Variants in MSRA observed in about 807,000 individuals in gnomAD.
The protein encoded by MSRA is methionine sulfoxide reductase A.
Under a neutral mutation model 31.3 loss-of-function variants are expected in MSRA, and 54 were observed. The ratio of observed to expected loss-of-function variants is 1.73; its 90% CI spans 1.39 to 2.17. The LOEUF (loss-of-function observed/expected upper bound fraction) is 2.17. Ranked by LOEUF, MSRA falls within the 30% of genes most tolerant of loss-of-function variation. The pLI is 0.00. For synonymous variants in MSRA, 169 were observed against 116.5 expected, an observed-to-expected ratio of 1.45 and a Z score of -2.90; for missense variants, 507 against 300.9, an observed-to-expected ratio of 1.69 and a Z score of -5.07.
intron 1 of MSRA, among the ~76,000 whole-genome samples, chr8:10,163,822 G>C (rs977645828): frequency 6.6e-6 from 1 of 152,254 alleles, no homozygotes; most frequent in Non-Finnish European, 1.5e-5. Context: ...CCGCATGCTG[G>C]TGTGGCAGAC....
intron 3 of MSRA, among the ~76,000 whole-genome samples, chr8:10,291,851 C>T (rs1225848081): frequency 6.6e-6 from 1 of 152,114 alleles, no homozygotes; most frequent in African/African-American, 2.4e-5. Flanking sequence ...GATAAATAAA[C>T]TAAGTCAAGT....
At chr8:10,172,127 C>A (rs934702950) in intron 1 of MSRA, among the ~76,000 whole-genome samples, 1 of 152,176 alleles carries the variant, frequency 6.6e-6, no homozygotes, top group Non-Finnish European at 1.5e-5. Flanking sequence ...GGTGGCAGAA[C>A]TACAGATGCA....
chr8:10,227,825 T>C (rs1433835306), intron 2 of MSRA, among the ~76,000 whole-genome samples: 1 of 152,210 alleles, frequency 6.6e-6, no homozygotes, highest in African/African-American at 2.4e-5. Flanking sequence ...TAGCAGAAGG[T>C]ATTTTCAAAT....
At chr8:10,177,611 T>A (rs1806168695) in intron 1 of MSRA, among the ~76,000 whole-genome samples, 1 of 152,210 alleles carries the variant, frequency 6.6e-6, no homozygotes, top group Non-Finnish European at 1.5e-5. Context: ...TGCATGTAGG[T>A]ATTTGCTACA....
At chr8:10,158,480 G>C (rs1158528136) in intron 1 of MSRA, among the ~76,000 whole-genome samples, 1 of 152,174 alleles carries the variant, frequency 6.6e-6, no homozygotes, top group Non-Finnish European at 1.5e-5. Context: ...ATAATATGTG[G>C]CCTATTGGCT....
intron 5 of MSRA, among the ~76,000 whole-genome samples, chr8:10,339,469 C>G (rs1008665630): frequency 1.3e-5 from 2 of 148,242 alleles, no homozygotes; most frequent in Non-Finnish European, 3.0e-5. Flanking sequence ...CTGTCCTGTT[C>G]TTCGTGGTCA....
chr8:10,301,416 A>T (rs1193821610), intron 3 of MSRA, 118 bp from the exon 4 acceptor site: 2 of 711,448 alleles, frequency 2.8e-6, no homozygotes, highest in Non-Finnish European at 2.4e-6. Context: ...TCCTCCTTCC[A>T]TTCTTCCTTC....
At chr8:10,362,844 G>A (rs1003474053) in intron 5 of MSRA, among the ~76,000 whole-genome samples, 3 of 151,714 alleles carry the variant, frequency 2.0e-5, no homozygotes, top group African/African-American at 7.3e-5. Flanking sequence ...AGCTGCCCCT[G>A]ACTTCCTCCT....
chr8:10,110,914 G>A (rs1303649208), intron 1 of MSRA, among the ~76,000 whole-genome samples: 1 of 152,110 alleles, frequency 6.6e-6, no homozygotes, highest in African/African-American at 2.4e-5. Flanking sequence ...TCAGTTACAT[G>A]GTTTTTCTCC....
chr8:10,252,861 T>C (rs1797988920), intron 3 of MSRA, among the ~76,000 whole-genome samples: 1 of 152,226 alleles, frequency 6.6e-6, no homozygotes, highest in Non-Finnish European at 1.5e-5. Flanking sequence ...ACATAGGTCC[T>C]TCATCCACCG....
intron 4 of MSRA, among the ~76,000 whole-genome samples, chr8:10,307,330 C>G (rs142051388): frequency 7.4e-4 from 112 of 152,182 alleles, no homozygotes; most frequent in African/African-American, 2.6e-3. Flanking sequence ...CCATGCCCAA[C>G]TTATTTTTTG....
chr8:10,425,030 G>A (rs1809054358), intron 5 of MSRA, among the ~76,000 whole-genome samples: 1 of 152,220 alleles, frequency 6.6e-6, no homozygotes, highest in Non-Finnish European at 1.5e-5. Flanking sequence ...TTGCAAGTGA[G>A]GCAGCGGACG....
intron 5 of MSRA, among the ~76,000 whole-genome samples, chr8:10,392,476 G>C (rs911464059): frequency 6.6e-6 from 1 of 152,054 alleles, no homozygotes; most frequent in Non-Finnish European, 1.5e-5. Context: ...CCTCCAACCT[G>C]CTCCTGCCCA....
intron 1 of MSRA, chr8:10,059,129 G>A (rs1365234169): frequency 6.6e-6 from 1 of 152,158 alleles, no homozygotes; most frequent in Admixed American, 6.5e-5. Flanking sequence ...GGGAAAAGGT[G>A]AAATATTCAA....
chr8:10,320,240 A>G (rs955896722), intron 5 of MSRA: 1 of 284,600 alleles, frequency 3.5e-6, no homozygotes, highest in Non-Finnish European at 6.5e-6. Flanking sequence ...GGGCCGAAGC[A>G]GAAGGATACT....
intron 1 of MSRA, among the ~76,000 whole-genome samples, chr8:10,111,516 G>A (rs1251920052): frequency 6.6e-6 from 1 of 152,126 alleles, no homozygotes. Context: ...TGCAGTAAGG[G>A]AATTATCATA....
chr8:10,301,647 A>G lies in MSRA; in HGVS notation c.436+9A>G. 6.9e-6 allele frequency: 11 copies of G among 1,600,452 alleles called. No homozygotes were observed. Among genetic ancestry groups the G allele is most frequent in the Non-Finnish European group, 8.6e-6 (10 of 1,168,910 alleles). Reference sequence around the variant, plus strand: ...TCACGACCCGACCCAAGGTAGAGTGATGAGTGAGCCAGTATTTAATTATCT... The same window carrying G: ...TCACGACCCGACCCAAGGTAGAGTGGTGAGTGAGCCAGTATTTAATTATCT... On this transcript the variant is annotated intron_variant, in intron 4 of 5. Coordinates refer to ENST00000317173, the MANE Select transcript of MSRA (RefSeq NM_012331.5).
intron 4 of MSRA, among the ~76,000 whole-genome samples, chr8:10,301,950 T>C (rs931154453): frequency 5.3e-5 from 8 of 152,202 alleles, no homozygotes; most frequent in Admixed American, 5.2e-4. Context: ...ATGCAGTCTT[T>C]TGTCTACAAA....
intron 3 of MSRA, among the ~76,000 whole-genome samples, chr8:10,298,153 A>C (rs4503102): frequency 0.73 from 110,705 of 152,102 alleles, 40,774 homozygotes; most frequent in African/African-American, 0.85. Context: ...CTGGCAAAAT[A>C]GTTGTGAGCA....
Sources: gnomAD v4.1 joint callset for allele counts (sites outside exome capture counted in the v4.1 genomes callset) on GRCh38, gnomAD v4.1.1 for gene constraint, MANE v1.5 for transcripts, NCBI Gene and HGNC (gene_info 2026-07-23, HGNC 2026-07-21) for gene names.